Variants in RNF152 observed in about 807,000 individuals in gnomAD.
RNF152 encodes the protein ring finger protein 152.
Under a neutral mutation model 12.7 loss-of-function variants are expected in RNF152, and 11 were observed. That is an observed-to-expected ratio of 0.86 (90% CI 0.54 to 1.43). The LOEUF (loss-of-function observed/expected upper bound fraction) is 1.43. Among genes scored for constraint, RNF152 ranks in the 40% most tolerant of loss-of-function variants. The probability of loss-of-function intolerance (pLI) is 0.00; values close to 1 mark genes in which losing one functional copy is unlikely to be tolerated. For synonymous variants in RNF152, 113 were observed against 120.3 expected, an observed-to-expected ratio of 0.94 and a Z score of 0.40; for missense variants, 255 against 274.8, an observed-to-expected ratio of 0.93 and a Z score of 0.51.
intron 1 of RNF152, among the ~76,000 whole-genome samples, chr18:61,872,244 C>T (rs900888977): frequency 1.2e-4 from 19 of 152,212 alleles, no homozygotes; most frequent in African/African-American, 4.6e-4. Context: ...GGATCCACCC[C>T]CATGATCCAA....
intron 1 of RNF152, among the ~76,000 whole-genome samples, chr18:61,879,914 G>A (rs1011614526): frequency 2.0e-5 from 3 of 151,116 alleles, no homozygotes; most frequent in Admixed American, 6.6e-5. Flanking sequence ...GCAGTGAGCC[G>A]AGATCCCGCC....
intron 1 of RNF152, among the ~76,000 whole-genome samples, chr18:61,856,342 G>T (rs548271226): frequency 7.4e-4 from 113 of 152,242 alleles, no homozygotes; most frequent in African/African-American, 2.6e-3. Context: ...AAGGCTGGGG[G>T]TCCCAAGAGT....
intron 1 of RNF152, among the ~76,000 whole-genome samples, chr18:61,850,800 T>C (rs1241102142): frequency 2.6e-5 from 4 of 152,212 alleles, no homozygotes; most frequent in Non-Finnish European, 1.5e-5. Flanking sequence ...GAGAGCTTAC[T>C]CACCTCCTAC....
At position 61,816,616 on chromosome 18, in the gene RNF152, T is replaced by G. The variant is rs943485816; in HGVS notation, c.-135-18A>C. 8 of 719,684 alleles carry G rather than the reference T, an allele frequency of 1.1e-5. No individual in the cohort carries two copies. The African/African-American group carries it at 1.2e-4, about 11-fold the overall frequency. 44.6% of individuals were successfully genotyped at this position (719,684 alleles called of 1,614,324 possible). On this transcript the variant is annotated intron_variant, in intron 1 of 1. Coordinates refer to ENST00000312828, the MANE Select transcript of RNF152 (RefSeq NM_173557.3). ...GTTCATTTCTGAGAGAGACAAATAA[T>G]GCAAACAATCTTAATTATTTCAAAG...
chr18:61,845,254 A>G (rs937228051), intron 1 of RNF152, among the ~76,000 whole-genome samples: 7 of 152,246 alleles, frequency 4.6e-5, no homozygotes, highest in Non-Finnish European at 8.8e-5. Flanking sequence ...CCCACCCAAG[A>G]TGATTTTCTT....
intron 1 of RNF152, among the ~76,000 whole-genome samples, chr18:61,855,209 C>T (rs1238202135): frequency 6.6e-6 from 1 of 152,228 alleles, no homozygotes; most frequent in Non-Finnish European, 1.5e-5. Flanking sequence ...AAAAGTAAAA[C>T]AATGCATTTT....
intron 1 of RNF152, among the ~76,000 whole-genome samples, chr18:61,842,746 G>A (rs906410065): frequency 3.9e-5 from 6 of 152,196 alleles, no homozygotes; most frequent in Admixed American, 3.3e-4. Flanking sequence ...AGGCAAGGAG[G>A]AGCAAGTCAC....
intron 1 of RNF152, among the ~76,000 whole-genome samples, chr18:61,845,927 GC>G (rs369510834): frequency 0.038 from 5,789 of 151,954 alleles, 159 homozygotes; most frequent in South Asian, 0.067. Flanking sequence ...GTGTGGGGGG[GC>G]GTGGTGATGA....
intron 1 of RNF152, among the ~76,000 whole-genome samples, chr18:61,827,293 A>T (rs1014993343): frequency 5.3e-5 from 8 of 152,228 alleles, no homozygotes; most frequent in African/African-American, 1.9e-4. Context: ...AAGAAGGAAC[A>T]TTGAATAAAT....
intron 1 of RNF152, among the ~76,000 whole-genome samples, chr18:61,845,645 C>T (rs1032956641): frequency 6.6e-6 from 1 of 152,112 alleles, no homozygotes; most frequent in African/African-American, 2.4e-5. Flanking sequence ...GTCAATTTTC[C>T]TCCAAAACAA....
intron 1 of RNF152, among the ~76,000 whole-genome samples, chr18:61,829,608 G>GAGAA (rs1322012612): frequency 2.0e-5 from 3 of 151,104 alleles, no homozygotes; most frequent in Non-Finnish European, 4.4e-5. Context: ...GAGAGAGAGA[G>GAGAA]AGAGAGACAT....
At chr18:61,821,336 C>T (rs1305668603) in intron 1 of RNF152, among the ~76,000 whole-genome samples, 1 of 152,164 alleles carries the variant, frequency 6.6e-6, no homozygotes, top group Non-Finnish European at 1.5e-5. Context: ...TGACAGCAGC[C>T]TCTCTGATTT....
chr18:61,871,253 T>C (rs1421694094), intron 1 of RNF152, among the ~76,000 whole-genome samples: 1 of 144,298 alleles, frequency 6.9e-6, no homozygotes, highest in Non-Finnish European at 1.5e-5. Context: ...CCCTGAATTG[T>C]CCACCTACCA....
chr18:61,842,145 T>C (rs1053709577), intron 1 of RNF152, among the ~76,000 whole-genome samples: 2 of 152,240 alleles, frequency 1.3e-5, no homozygotes, highest in African/African-American at 2.4e-5. Flanking sequence ...GTTGATCATA[T>C]TCACTTTGTT....
At chr18:61,866,024 A>C (rs530386698) in intron 1 of RNF152, among the ~76,000 whole-genome samples, 2 of 152,130 alleles carry the variant, frequency 1.3e-5, no homozygotes, top group Non-Finnish European at 2.9e-5. Flanking sequence ...TCTCAGGTCT[A>C]TTCCTCCCAC....
rs140442119 is a variant in RNF152, at chr18:61,829,525, G to GGA, written c.-135-12929_-135-12928dup. The stretch of plus-strand genomic sequence containing the variant: ...GAGAGATATATATATATCAGGGGAG[G>GGA]GAGAGAGAGAGAGAGAGATACTGGG... On this transcript the variant is annotated intron_variant, in intron 1 of 1. Transcript: ENST00000312828. Among the ~76,000 whole-genome samples, 450 of 148,456 alleles carry GGA rather than the reference G, an allele frequency of 3.0e-3. 2 individuals are homozygous for GGA. The highest frequency in any genetic ancestry group is 0.01 in the African/African-American group (415 of 40,416).
intron 1 of RNF152, among the ~76,000 whole-genome samples, chr18:61,850,652 T>C (rs9945863): frequency 0.49 from 74,780 of 151,948 alleles, 18,714 homozygotes; most frequent in African/African-American, 0.54. Flanking sequence ...TCAGTTTGGA[T>C]CATTTGCTAT....
At chr18:61,876,353 A>G (rs888054651) in intron 1 of RNF152, among the ~76,000 whole-genome samples, 2 of 152,214 alleles carry the variant, frequency 1.3e-5, no homozygotes, top group Admixed American at 6.5e-5. Context: ...CCAAATCAAC[A>G]TGCTAATGAA....
intron 1 of RNF152, among the ~76,000 whole-genome samples, chr18:61,819,652 A>T (rs1909280552): frequency 3.9e-5 from 6 of 152,188 alleles, no homozygotes; most frequent in Admixed American, 1.3e-4. Context: ...AGAGAAATAC[A>T]ATGAGTTCTG....
Sources: gnomAD v4.1 joint callset for allele counts (sites outside exome capture counted in the v4.1 genomes callset) on GRCh38, gnomAD v4.1.1 for gene constraint, MANE v1.5 for transcripts, NCBI Gene and HGNC (gene_info 2026-07-23, HGNC 2026-07-21) for gene names.